The following IQCH variants were observed in gnomAD, a reference collection of about 807,000 sequenced individuals.
The protein encoded by IQCH is IQ domain-containing protein H.
A neutral mutation model predicts 117.0 loss-of-function variants in IQCH; 98 were observed. That is an observed-to-expected ratio of 0.84 (90% CI 0.71 to 0.99). IQCH has a LOEUF of 0.99. Among genes scored for constraint, IQCH ranks in the 50% least tolerant of loss-of-function variants. IQCH has a pLI of 0.00. For missense variants in IQCH, 1,102 were observed against 1,243.8 expected (o/e 0.89, Z 1.72); for synonymous variants, 412 against 448.2 (o/e 0.92, Z 1.02).
chr15:67,299,078 CAAA>C (rs36031731), intron 4 of IQCH, among the ~76,000 whole-genome samples: 1 of 107,060 alleles, frequency 9.3e-6, no homozygotes, highest in Non-Finnish European at 2.0e-5. Context: ...TATATTCAGC[CAAA>C]AAAAAAAAAA....
intron 4 of IQCH, among the ~76,000 whole-genome samples, chr15:67,288,702 C>G (rs1000282936): frequency 6.6e-6 from 1 of 152,074 alleles, no homozygotes; most frequent in African/African-American, 2.4e-5. Context: ...CATCCAGCCA[C>G]TCTGTGTCTT....
chr15:67,450,123 CT>C (rs2082485731), intron 16 of IQCH, among the ~76,000 whole-genome samples: 1 of 152,162 alleles, frequency 6.6e-6, no homozygotes, highest in African/African-American at 2.4e-5. Context: ...AGATTTTGGG[CT>C]GAGATGAAGG....
intron 5 of IQCH, 99 bp from the exon 6 acceptor site, chr15:67,343,964 A>C: frequency 9.8e-7 from 1 of 1,016,560 alleles, no homozygotes; most frequent in South Asian, 1.6e-5. Context: ...CACAAATAAG[A>C]TGATGAATGG....
At chr15:67,464,043 A>C (rs4375611) in intron 16 of IQCH, among the ~76,000 whole-genome samples, 19,334 of 152,124 alleles carry the variant, frequency 0.13, 1,326 homozygotes, top group East Asian at 0.2. Context: ...ACATTTCGCC[A>C]TGTTGGCCAG....
chr15:67,325,649 C>G (rs185210476), intron 4 of IQCH, among the ~76,000 whole-genome samples: 1 of 152,028 alleles, frequency 6.6e-6, no homozygotes, highest in Non-Finnish European at 1.5e-5. Context: ...TCATGAGTCT[C>G]TTCAAAACAA....
At chr15:67,258,649 G>A (rs1271712072) in intron 1 of IQCH, among the ~76,000 whole-genome samples, 1 of 152,166 alleles carries the variant, frequency 6.6e-6, no homozygotes. Flanking sequence ...ATAGAGTCTG[G>A]TTTCATGGCT....
chr15:67,383,076 A>G (rs1970992058), intron 10 of IQCH, among the ~76,000 whole-genome samples: 1 of 150,080 alleles, frequency 6.7e-6, no homozygotes, highest in African/African-American at 2.5e-5. Context: ...TATCTTGTCC[A>G]TGTAGAATGG....
chr15:67,421,628 AC>A (rs2081745339), intron 16 of IQCH, 51 bp downstream of exon 16: 1 of 1,553,998 alleles, frequency 6.4e-7, no homozygotes. Flanking sequence ...ATGACTCCGC[AC>A]CCTACACACC....
rs1211917109 is a variant in IQCH at position 67,416,961 on chromosome 15, C to G, written c.2128C>G (p.Leu710Val). The change falls in exon 15 of 21, where the codon CTG (leucine) becomes GTG (valine). Residue 710 changes from leucine (L) to valine (V), a missense_variant. Around this residue, in one of 2 missense-constraint regions of IQCH, gnomAD observed 650 missense variants for 794.3 expected, o/e 0.82. Transcript: ENST00000335894. This position sits in a 1 kb window ranked among gnomAD's most constrained non-coding sequence, Gnocchi z 5.1. Reference protein sequence around the residue: ...EPALVKISEELAGILAQHAQP... With the variant: ...EPALVKISEEVAGILAQHAQP... ...AGCTTTGGTGAAGATCTCTGAGGAG[C>G]TGGCGGGCATTTTAGCACAGCACGC... 7.5e-6 allele frequency: 12 copies of G among 1,604,492 alleles called. No individual in the cohort carries two copies. In the South Asian group the frequency reaches 1.3e-4, roughly 18 times the overall value.
chr15:67,492,263 T>C (rs1017703571), intron 19 of IQCH, among the ~76,000 whole-genome samples: 2 of 152,134 alleles, frequency 1.3e-5, no homozygotes, highest in African/African-American at 4.8e-5. Context: ...GTTAGTTAGG[T>C]ACAAAGAACT....
chr15:67,312,141 A>G (rs544079116), intron 4 of IQCH, among the ~76,000 whole-genome samples: 8 of 152,254 alleles, frequency 5.3e-5, no homozygotes, highest in African/African-American at 1.9e-4. Flanking sequence ...TGAAAAGCCA[A>G]ATTTAGGTAG....
chr15:67,446,300 G>A (rs2082389486), intron 16 of IQCH, among the ~76,000 whole-genome samples: 1 of 152,280 alleles, frequency 6.6e-6, no homozygotes, highest in African/African-American at 2.4e-5. Flanking sequence ...CAGATAACAG[G>A]TAGAGCTAAA....
At chr15:67,485,787 T>C (rs2083458046) in intron 18 of IQCH, among the ~76,000 whole-genome samples, 1 of 152,036 alleles carries the variant, frequency 6.6e-6, no homozygotes, top group South Asian at 2.1e-4. Flanking sequence ...GCTTCCTGAG[T>C]AGCTGGGACT....
intron 18 of IQCH, among the ~76,000 whole-genome samples, chr15:67,485,715 G>C (rs2083455253): frequency 6.6e-6 from 1 of 152,132 alleles, no homozygotes; most frequent in Non-Finnish European, 1.5e-5. Flanking sequence ...CTGGAGTTCA[G>C]TGGCGTGATC....
chr15:67,470,526 A>G (rs1474336131), intron 17 of IQCH, among the ~76,000 whole-genome samples: 1 of 152,162 alleles, frequency 6.6e-6, no homozygotes, highest in East Asian at 1.9e-4. Context: ...GGTTTCCTAT[A>G]CATAGCACAG....
intron 14 of IQCH, among the ~76,000 whole-genome samples, chr15:67,414,654 C>CA (rs75110547): frequency 1.7e-3 from 233 of 135,874 alleles, no homozygotes; most frequent in South Asian, 2.3e-3. Context: ...TCCCCAACAC[C>CA]AAAAAAAAAA....
intron 4 of IQCH, among the ~76,000 whole-genome samples, chr15:67,304,056 C>G (rs1967181987): frequency 6.6e-6 from 1 of 152,102 alleles, no homozygotes; most frequent in South Asian, 2.1e-4. Context: ...TAGTCCTTTG[C>G]CCACCTTGGT....
chr15:67,283,622 A>G (rs1445055893), intron 4 of IQCH, among the ~76,000 whole-genome samples: 2 of 152,114 alleles, frequency 1.3e-5, no homozygotes, highest in East Asian at 1.9e-4. Flanking sequence ...TAAGTGGGAA[A>G]TATCTTTGAT....
chr15:67,358,883 C>A (rs1413001927), intron 7 of IQCH, among the ~76,000 whole-genome samples: 1 of 152,112 alleles, frequency 6.6e-6, no homozygotes, highest in Non-Finnish European at 1.5e-5. Context: ...GGGCTGTGTC[C>A]CCTTAAGAGA....
Sources: gnomAD v4.1 joint callset for allele counts (sites outside exome capture counted in the v4.1 genomes callset) on GRCh38, gnomAD v4.1.1 for gene constraint, gnomAD v4.1.1 regional missense constraint, Gnocchi (gnomAD v3.1) non-coding constraint, MANE v1.5 for transcripts, NCBI Gene and HGNC (gene_info 2026-07-23, HGNC 2026-07-21) for gene names.